RUBCNL: variants seen among roughly 807,000 people sequenced by gnomAD.
RUBCNL encodes protein associated with UVRAG as autophagy enhancer.
A neutral mutation model predicts 69.5 loss-of-function variants in RUBCNL; 62 were observed. The ratio of observed to expected loss-of-function variants is 0.89; its 90% CI spans 0.73 to 1.10. RUBCNL has a LOEUF of 1.10. RUBCNL is among the 50% of genes least tolerant of loss of function. RUBCNL has a pLI of 0.00. For synonymous variants in RUBCNL, 291 were observed against 303.6 expected, an observed-to-expected ratio of 0.96 and a Z score of 0.43; for missense variants, 768 against 798.1, an observed-to-expected ratio of 0.96 and a Z score of 0.45.
chr13:46,359,621 T>C lies in RUBCNL; in HGVS notation c.1130A>G (p.Glu377Gly). 4 of 1,590,032 alleles carry C rather than the reference T, an allele frequency of 2.5e-6. No individual in the cohort carries two copies. The highest frequency in any genetic ancestry group is 3.4e-6 in the Non-Finnish European group (4 of 1,167,004). The stretch of plus-strand genomic sequence containing the variant: ...TTCAAAGTCTTTTCGGACACACTCT[T>C]CATTTACGACCTGCATAAGACATAA... ...LSAAGSIVVN[E>G]ECVRKDFESS... The change falls in exon 9 of 15, where the codon GAA (glutamate) becomes GGA (glycine). Residue 377 changes from glutamate to glycine, a missense_variant. By Grantham distance (98) the Glu-to-Gly change is moderately conservative. Coordinates refer to ENST00000429979, the MANE Select transcript of RUBCNL (RefSeq NM_025113.5).
Position 46,369,978 on chromosome 13 carries a change from A to G in RUBCNL, c.536-1163T>C, listed in dbSNP as rs895557507. On this transcript the variant is annotated intron_variant, in intron 3 of 14. Coordinates refer to ENST00000429979, the MANE Select transcript of RUBCNL (RefSeq NM_025113.5). ...ATATATTGGAGGATCTGAGAGCCATACAGTATCTGTTTCAACCACTCTCTT... is the reference window on the plus strand; with the variant it reads ...ATATATTGGAGGATCTGAGAGCCATGCAGTATCTGTTTCAACCACTCTCTT... Among the ~76,000 whole-genome samples the G allele has an allele frequency of 5.3e-5, 8 of 152,250 alleles. No individual in the cohort carries two copies. The East Asian group carries it at 1.5e-3, about 29-fold the overall frequency.
rs1455730697 is a variant in RUBCNL, at chr13:46,339,964, G to T, written c.*3421C>A. Among the ~76,000 whole-genome samples, 3 of 148,552 alleles carry T rather than the reference G, an allele frequency of 2.0e-5. No homozygotes were observed. Among genetic ancestry groups the T allele is most frequent in the African/African-American group, 4.9e-5 (2 of 40,592 alleles). ...GAAATCAAGGGGTCAGCCATGTTGGGTTTTTTTTTTAAGGCTCTGAGGAAG... is the reference window on the plus strand; with the variant it reads ...GAAATCAAGGGGTCAGCCATGTTGGTTTTTTTTTTTAAGGCTCTGAGGAAG... On this transcript the variant is annotated 3_prime_UTR_variant, in exon 15 of 15. Transcript: ENST00000429979.
At chr13:46,348,281 T>C (rs1594133417) in intron 12 of RUBCNL, among the ~76,000 whole-genome samples, 1 of 152,292 alleles carries the variant, frequency 6.6e-6, no homozygotes, top group African/African-American at 2.4e-5. Context: ...CATAACGATG[T>C]TAATACTTTA....
intron 2 of RUBCNL, among the ~76,000 whole-genome samples, chr13:46,377,381 A>AG (rs1790964458): frequency 6.6e-6 from 1 of 152,206 alleles, no homozygotes; most frequent in Non-Finnish European, 1.5e-5. Context: ...CTCATGCCTC[A>AG]GCCTCCCTAG....
intron 8 of RUBCNL, among the ~76,000 whole-genome samples, chr13:46,361,019 T>G (rs2048597508): frequency 6.6e-6 from 1 of 151,824 alleles, no homozygotes; most frequent in Non-Finnish European, 1.5e-5. Flanking sequence ...AGGTCAGGAG[T>G]TGGAAACCAG....
At chr13:46,358,930 C>G (rs58840062) in intron 9 of RUBCNL, among the ~76,000 whole-genome samples, 6,698 of 151,994 alleles carry the variant, frequency 0.044, 282 homozygotes, top group African/African-American at 0.11. Context: ...GAAGTTTATT[C>G]ATTCATTTTT....
At chr13:46,388,485 C>A (rs2049298502), upstream of RUBCNL, among the ~76,000 whole-genome samples, 1 of 142,588 alleles carries the variant, frequency 7.0e-6, no homozygotes. Context: ...GGAACCAAAG[C>A]CAAGGAAGGA....
intron 5 of RUBCNL, among the ~76,000 whole-genome samples, chr13:46,367,599 G>T (rs1224845127): frequency 1.3e-5 from 2 of 152,182 alleles, no homozygotes; most frequent in Non-Finnish European, 1.5e-5. Flanking sequence ...TACTCAAGAA[G>T]TTTTTAGACA....
In RUBCNL at chr13:46,335,420, G is replaced by C. The variant is rs1276170380; in HGVS notation, c.*7965C>G. ...CCCACCCAACTTAATTTTAAATTAA[G>C]TCTTCAGAGGGTTTAATCCACGGAG... On this transcript the variant is annotated 3_prime_UTR_variant, in exon 15 of 15. Coordinates refer to ENST00000429979, the MANE Select transcript of RUBCNL (RefSeq NM_025113.5). Among the ~76,000 whole-genome samples, 1 of 151,994 alleles carries C rather than the reference G, an allele frequency of 6.6e-6. No homozygotes were observed. The highest frequency in any genetic ancestry group is 2.4e-5 in the African/African-American group (1 of 41,382).
At position 46,368,158 on chromosome 13, in the gene RUBCNL, C is replaced by T. The variant is rs941332527; in HGVS notation, c.710G>A (p.Trp237Ter). The change falls in exon 5 of 15, where the codon TGG becomes TAG. Residue 237 changes from tryptophan (W) to a stop codon, truncating the protein, a stop_gained. Transcript: ENST00000429979. LOFTEE classifies it high-confidence loss of function. ...AAGTAACCCACTGACTTCTTTACTC[C>T]AGCTCTCTGTCTGCTGTTGACTCAG... ...NILSQQQTESWSKEVSGLLGS... is the reference protein window; with the variant it reads ...NILSQQQTES 2.5e-6 allele frequency: 4 copies of T among 1,613,856 alleles called. No individual in the cohort carries two copies. Among genetic ancestry groups the T allele is most frequent in the Non-Finnish European group, 3.4e-6 (4 of 1,179,886 alleles).
chr13:46,386,020 G>A (rs12869824), intron 1 of RUBCNL, among the ~76,000 whole-genome samples: 28,312 of 152,022 alleles, frequency 0.19, 3,152 homozygotes, highest in East Asian at 0.48. Flanking sequence ...CGGTAATCAC[G>A]AAAACCCCAG....
At position 46,338,812 on chromosome 13, in the gene RUBCNL, T is replaced by C. The variant is rs2048121032; in HGVS notation, c.*4573A>G. On this transcript the variant is annotated 3_prime_UTR_variant, in exon 15 of 15. Coordinates refer to ENST00000429979, the MANE Select transcript of RUBCNL (RefSeq NM_025113.5). The stretch of plus-strand genomic sequence containing the variant: ...TGGCTCACACCTGTAATCCAAGCAC[T>C]TTGGGAGGCCGAGGCGGGTAGATCA... Among the ~76,000 whole-genome samples the C allele has an allele frequency of 6.6e-6, 1 of 151,950 alleles. No individual in the cohort carries two copies.
rs1299290346 is a variant in RUBCNL, at chr13:46,336,571, TTATTA to T, written c.*6809_*6813del. On this transcript the variant is annotated 3_prime_UTR_variant, in exon 15 of 15. Transcript: ENST00000429979. ...CTTTTCTTAGCTAGACTTTTTTATT[TTATTA>T]TATTTTATTATAAAACAGTATTCTC... Among the ~76,000 whole-genome samples, 3 of 151,976 alleles carry T rather than the reference TTATTA, an allele frequency of 2.0e-5. No homozygotes were observed. Among genetic ancestry groups the T allele is most frequent in the African/African-American group, 7.2e-5 (3 of 41,428 alleles).
chr13:46,374,906 G>A (rs1019125724), intron 2 of RUBCNL, among the ~76,000 whole-genome samples: 4 of 152,048 alleles, frequency 2.6e-5, no homozygotes, highest in African/African-American at 7.2e-5. Context: ...GACACATCTG[G>A]CTCCTTCCTG....
In RUBCNL at chr13:46,344,848, C is replaced by G. The variant is rs373322218; in HGVS notation, c.1786-17G>C. 1.9e-5 allele frequency: 29 copies of G among 1,538,592 alleles called. No homozygotes were observed. In the African/African-American group the frequency reaches 3.7e-4, roughly 20 times the overall value. On this transcript the variant is annotated splice_polypyrimidine_tract_variant and intron_variant, in intron 13 of 14. Coordinates refer to ENST00000429979, the MANE Select transcript of RUBCNL (RefSeq NM_025113.5). ...TTGACACAGCTGTAAAAGAAGACAT[C>G]AAAAAGTTACAACCTTCTCTTGATG...
intron 1 of RUBCNL, among the ~76,000 whole-genome samples, chr13:46,384,090 A>G (rs1338298514): frequency 1.3e-5 from 2 of 152,238 alleles, no homozygotes; most frequent in South Asian, 4.1e-4. Context: ...CATAAAACCA[A>G]GCCTAAACTA....
chr13:46,346,584 A>G (rs1342566263), intron 12 of RUBCNL, among the ~76,000 whole-genome samples: 3 of 152,116 alleles, frequency 2.0e-5, no homozygotes, highest in Non-Finnish European at 2.9e-5. Flanking sequence ...TTTTTTGTAC[A>G]AGGTAGGAAG....
chr13:46,378,255 A>C (rs2049041386), intron 1 of RUBCNL, among the ~76,000 whole-genome samples: 1 of 152,210 alleles, frequency 6.6e-6, no homozygotes, highest in Non-Finnish European at 1.5e-5. Context: ...ACATTTATAC[A>C]TTCAGACACA....
intron 4 of RUBCNL, 129 bp downstream of exon 4, chr13:46,368,604 A>C: frequency 1.5e-6 from 2 of 1,297,036 alleles, no homozygotes; most frequent in South Asian, 1.5e-5. Context: ...GGCAGTCTCC[A>C]TCAATCAAAT....
Sources: allele counts gnomAD v4.1 joint callset (sites outside exome capture counted in the v4.1 genomes callset), GRCh38; gene constraint gnomAD v4.1.1; transcripts MANE v1.5; gene names NCBI Gene and HGNC (gene_info 2026-07-23, HGNC 2026-07-21).